The following WDR4 variants were observed in gnomAD, a reference collection of about 807,000 sequenced individuals.
WDR4 encodes WDR4 tRNA N7-guanosine methyltransferase non-catalytic subunit.
A neutral mutation model predicts 48.6 loss-of-function variants in WDR4; 47 were observed. The ratio of observed to expected loss-of-function variants is 0.97; its 90% confidence interval spans 0.77 to 1.23. The LOEUF (loss-of-function observed/expected upper bound fraction) is 1.23, where lower values mean the gene tolerates loss of function less well. Ranked by LOEUF, WDR4 falls within the 50% of genes most tolerant of loss-of-function variation. WDR4 has a pLI of 0.00. For missense variants in WDR4, 606 were observed against 551.6 expected (o/e 1.10, Z -0.99); for synonymous variants, 268 against 230.0 (o/e 1.17, Z -1.49).
Position 42,862,780 on chromosome 21 carries a change from T to G in WDR4, c.454-386A>C, listed in dbSNP as rs2058149379. ...CTTCCTTGCCTTCCTGTCACACATG[T>G]CCCCACACCCATCTGTCACCAAGTC... is the stretch of plus-strand genomic sequence containing the variant. On this transcript the variant is annotated intron_variant, in intron 4 of 10. Transcript: ENST00000398208. This position sits in a 1 kb window ranked among gnomAD's most constrained non-coding sequence, Gnocchi z 4.3. Among the ~76,000 whole-genome samples the G allele has an allele frequency of 6.6e-6, 1 of 151,956 alleles. No individual in the cohort carries two copies. The highest frequency in any genetic ancestry group is 6.5e-5 in the Admixed American group (1 of 15,276).
chr21:42,845,535 CG>C (rs1185988627), downstream of WDR4, among the ~76,000 whole-genome samples: 4 of 152,034 alleles, frequency 2.6e-5, no homozygotes, highest in Admixed American at 6.5e-5. Flanking sequence ...TGATCTAAGA[CG>C]GGTAAGTCAA....
intron 9 of WDR4, among the ~76,000 whole-genome samples, chr21:42,852,854 G>A (rs1272257559): frequency 2.0e-5 from 3 of 151,666 alleles, no homozygotes; most frequent in Admixed American, 6.6e-5. Flanking sequence ...GGCGGAGGTC[G>A]CGGTGAGCCG....
chr21:42,859,593 A>G, intron 6 of WDR4, 69 bp downstream of exon 6: 12 of 553,740 alleles, frequency 2.2e-5, no homozygotes, highest in Non-Finnish European at 3.4e-5. Context: ...CAGGTCCAGG[A>G]GGCGCCCACC....
In WDR4 at chr21:42,854,586, T is replaced by G; in HGVS notation, c.767A>C (p.Asn256Thr). The G allele has an allele frequency of 6.2e-7, 1 of 1,613,800 alleles. No homozygotes were observed. Residue 256 changes from asparagine (N) to threonine (T), a missense_variant, in exon 8 of 11, where the codon AAC (asparagine) becomes ACC (threonine). Coordinates refer to ENST00000398208, the MANE Select transcript of WDR4 (RefSeq NM_018669.6). Reference sequence around the variant, plus strand: ...CCCGTCGCACAGGAGCGCCACGCAGTTCTCCTGGCACCAGAATGCAATCCT... The same window carrying G: ...CCCGTCGCACAGGAGCGCCACGCAGGTCTCCTGGCACCAGAATGCAATCCT... ...ASRIAFWCQE[N>T]CVALLCDGTP...
chr21:42,870,396 A>G (rs186879960), intron 3 of WDR4, among the ~76,000 whole-genome samples: 1 of 152,304 alleles, frequency 6.6e-6, no homozygotes, highest in Admixed American at 6.5e-5. Context: ...CCTAGCCCAG[A>G]TGAAATGAAT....
intron 3 of WDR4, among the ~76,000 whole-genome samples, chr21:42,864,737 A>G (rs551118445): frequency 6.6e-6 from 1 of 152,288 alleles, no homozygotes; most frequent in South Asian, 2.1e-4. Flanking sequence ...TCAGGGCTAC[A>G]CTACTTCCTG....
At chr21:42,878,856 G>A (rs2839595) in intron 1 of WDR4, 103,021 of 695,540 alleles carry the variant, frequency 0.15, 9,665 homozygotes, top group African/African-American at 0.4. Context: ...TGTCGGAGAT[G>A]ACTTGGAGCC....
intron 10 of WDR4, among the ~76,000 whole-genome samples, chr21:42,852,025 C>T (rs2057842986): frequency 6.6e-6 from 1 of 152,186 alleles, no homozygotes; most frequent in Non-Finnish European, 1.5e-5. Flanking sequence ...GACCCTGAGC[C>T]CCCGGTTCCT....
At chr21:42,857,984 G>T (rs755445235) in intron 6 of WDR4, among the ~76,000 whole-genome samples, 5 of 152,008 alleles carry the variant, frequency 3.3e-5, no homozygotes, top group Non-Finnish European at 7.4e-5. Flanking sequence ...CTAGCTACTC[G>T]GGAGGCCTGA....
chr21:42,852,306 C>T lies in WDR4; in HGVS notation c.994G>A (p.Val332Met), dbSNP rs531150309. The T allele has an allele frequency of 3.7e-5, 60 of 1,614,026 alleles. No individual in the cohort carries two copies. Among genetic ancestry groups the T allele is most frequent in the Non-Finnish European group, 4.7e-5 (55 of 1,180,028 alleles). Residue 332 changes from valine to methionine, a missense_variant, in exon 10 of 11, where the codon GTG becomes ATG. Physicochemically the swap from Val to Met is conservative, Grantham distance 21. Coordinates refer to ENST00000398208, the MANE Select transcript of WDR4 (RefSeq NM_018669.6). ...AGAACACCAGAGACTTTCTTTAACA[C>T]GGTGCTCTCAGGAACAGACTGCAGG... ...DQWQSVPEST[V>M]LKKVSGVLRG...
At chr21:42,886,011 C>T in the WDR4 span, among the ~76,000 whole-genome samples, 1 of 144,314 alleles carries the variant, frequency 6.9e-6, no homozygotes, top group Non-Finnish European at 1.5e-5. Flanking sequence ...GGCTGGAGTA[C>T]AGTGGCATCA....
chr21:42,855,615 A>T, intron 7 of WDR4, 67 bp downstream of exon 7: 2 of 1,251,706 alleles, frequency 1.6e-6, no homozygotes, highest in Non-Finnish European at 2.2e-6. Context: ...TGACTTTTCC[A>T]CTCAAGTCAG....
intron 8 of WDR4, among the ~76,000 whole-genome samples, 197 bp downstream of exon 8, chr21:42,854,365 G>A (rs765809155): frequency 6.6e-6 from 1 of 152,224 alleles, no homozygotes; most frequent in African/African-American, 2.4e-5. Flanking sequence ...TCAGGTTGAA[G>A]AGCGCTGGCT....
chr21:42,890,670 G>A, the WDR4 span, among the ~76,000 whole-genome samples: 1 of 152,146 alleles, frequency 6.6e-6, no homozygotes, highest in Admixed American at 6.6e-5. Context: ...TAAAATGCTG[G>A]GTACTACTTG....
At chr21:42,856,420 G>T (rs2057993570) in intron 6 of WDR4, among the ~76,000 whole-genome samples, 1 of 151,910 alleles carries the variant, frequency 6.6e-6, no homozygotes, top group South Asian at 2.1e-4. Flanking sequence ...ATTGAAATGG[G>T]GTCTATTCCA....
At position 42,871,189 on chromosome 21, in the gene WDR4, C is replaced by T. The variant is rs565137650; in HGVS notation, c.296+2362G>A. 5.3e-5 allele frequency among the ~76,000 whole-genome samples: 8 copies of T among 152,310 alleles called. No individual in the cohort carries two copies. In the East Asian group the frequency reaches 1.5e-3, roughly 29 times the overall value. ...AGGAGAGAGGCCTCAGAGGAACCAG[C>T]CCTGTCCTGCCAGCCCCTTGATCTT... On this transcript the variant is annotated intron_variant, in intron 3 of 10. Coordinates refer to ENST00000398208, the MANE Select transcript of WDR4 (RefSeq NM_018669.6).
Position 42,853,478 on chromosome 21 carries a change from C to T in WDR4, c.975+91G>A, listed in dbSNP as rs1015386630. 21 of 1,410,662 alleles carry T rather than the reference C, an allele frequency of 1.5e-5. No homozygotes were observed. The African/African-American group carries it at 2.8e-4, about 19-fold the overall frequency. The allele number at this position is 1,410,662 out of a possible 1,614,324, so 87.4% of individuals were successfully genotyped here. A position where few individuals can be genotyped will look rare whatever the true frequency, so the allele number is the denominator to read the frequency against. On this transcript the variant is annotated intron_variant, in intron 9 of 10. Transcript: ENST00000398208. Reference sequence around the variant, plus strand: ...AAGTGGCTGAGTTGAAAGAGGCTTACCCATGGACCCAAAAAACATAGCTGC... The same window carrying T: ...AAGTGGCTGAGTTGAAAGAGGCTTATCCATGGACCCAAAAAACATAGCTGC...
the WDR4 span, among the ~76,000 whole-genome samples, chr21:42,886,642 G>A: frequency 2.0e-5 from 3 of 152,330 alleles, no homozygotes; most frequent in South Asian, 2.1e-4. Flanking sequence ...TTTTGGGGAG[G>A]AGCGGGGAGC....
rs554522233 is a variant in WDR4, at chr21:42,862,679, C to G, written c.454-285G>C. On this transcript the variant is annotated intron_variant, in intron 4 of 10. Coordinates refer to ENST00000398208, the MANE Select transcript of WDR4 (RefSeq NM_018669.6). This position sits in a 1 kb window ranked among gnomAD's most constrained non-coding sequence, Gnocchi z 4.3. ...ACCCCTGCCTGCCTGTCTCCCGCAC[C>G]TTGGCAAATCCAGGCCCCACGCCCA... 2.6e-5 allele frequency among the ~76,000 whole-genome samples: 4 copies of G among 152,296 alleles called. No homozygotes were observed. The South Asian group carries it at 8.3e-4, about 32-fold the overall frequency.
Sources: gnomAD v4.1 joint callset for allele counts (sites outside exome capture counted in the v4.1 genomes callset) on GRCh38, gnomAD v4.1.1 for gene constraint, Gnocchi (gnomAD v3.1) non-coding constraint, MANE v1.5 for transcripts, NCBI Gene and HGNC (gene_info 2026-07-23, HGNC 2026-07-21) for gene names.